Variants in SLC9A8 observed in about 807,000 individuals in gnomAD.
SLC9A8 encodes the protein sodium/hydrogen exchanger 8.
A neutral mutation model predicts 66.6 loss-of-function variants in SLC9A8; 48 were observed. That is an observed-to-expected ratio of 0.72 (90% CI 0.57 to 0.92). The LOEUF is 0.92. Among genes scored for constraint, SLC9A8 ranks in the 40% least tolerant of loss-of-function variants. The pLI is 0.00. For missense variants in SLC9A8, 599 were observed against 747.3 expected (o/e 0.80, Z 2.31); for synonymous variants, 274 against 282.6 (o/e 0.97, Z 0.31).
chr20:49,847,164 A>G (rs1330273729), intron 5 of SLC9A8, among the ~76,000 whole-genome samples: 1 of 152,132 alleles, frequency 6.6e-6, no homozygotes, highest in Non-Finnish European at 1.5e-5. Flanking sequence ...AATTTAATGT[A>G]AAAAATATTC....
At chr20:49,877,290 T>A (rs1283383391) in intron 11 of SLC9A8, among the ~76,000 whole-genome samples, 1 of 152,054 alleles carries the variant, frequency 6.6e-6, no homozygotes, top group Non-Finnish European at 1.5e-5. Context: ...TGAGACTCTG[T>A]CTCTAAAAAA....
intron 5 of SLC9A8, among the ~76,000 whole-genome samples, chr20:49,848,630 A>G (rs1244791761): frequency 6.6e-6 from 1 of 152,234 alleles, no homozygotes; most frequent in African/African-American, 2.4e-5. Flanking sequence ...TTTTATGGAA[A>G]TTTGAAAGAT....
intron 3 of SLC9A8, among the ~76,000 whole-genome samples, chr20:49,828,613 G>A (rs1247839530): frequency 1.3e-5 from 2 of 150,784 alleles, no homozygotes; most frequent in Admixed American, 6.6e-5. Context: ...CGAGGTGGCC[G>A]GATCACCTTG....
intron 10 of SLC9A8, among the ~76,000 whole-genome samples, chr20:49,865,240 G>A (rs1257735747): frequency 6.6e-6 from 1 of 152,112 alleles, no homozygotes; most frequent in Admixed American, 6.6e-5. Flanking sequence ...GTGGAACAAC[G>A]ATTCAAACTA....
intron 13 of SLC9A8, among the ~76,000 whole-genome samples, chr20:49,883,323 G>A (rs1020767961): frequency 2.0e-5 from 3 of 152,158 alleles, no homozygotes; most frequent in African/African-American, 7.2e-5. Context: ...GATAGGAGGG[G>A]TACTGGACAC....
chr20:49,883,787 C>A, intron 13 of SLC9A8, 59 bp from the exon 14 acceptor site: 2 of 1,428,456 alleles, frequency 1.4e-6, no homozygotes, highest in East Asian at 2.3e-5. Flanking sequence ...CCAGGGAAGC[C>A]AGCCCATGAA....
In SLC9A8 at chr20:49,839,552, G is replaced by A; in HGVS notation, c.301G>A (p.Gly101Arg). 1 of 1,580,742 alleles carries A rather than the reference G, an allele frequency of 6.3e-7. No homozygotes were observed. Among genetic ancestry groups the A allele is most frequent in the African/African-American group, 1.3e-5 (1 of 74,248 alleles). Residue 101 changes from glycine to arginine, a missense_variant, in exon 4 of 16, where the codon GGA (glycine) becomes AGA (arginine). Physicochemically the swap from Gly to Arg is moderately radical, Grantham distance 125 (BLOSUM62 -2). Around this residue, in one of 2 missense-constraint regions of SLC9A8, gnomAD observed 467 missense variants for 626.5 expected, o/e 0.75. Coordinates refer to ENST00000361573, the MANE Select transcript of SLC9A8 (RefSeq NM_015266.3). ...ATTTTCTCTTGTAGGTATTCTCATG[G>A]GAGCAGTTATAAAAATTATAGAGTT... Reference protein sequence around the residue: ...VAVVSLGILMGAVIKIIEFKK... With the variant: ...VAVVSLGILMRAVIKIIEFKK...
chr20:49,874,038 T>G (rs911523928), intron 10 of SLC9A8, among the ~76,000 whole-genome samples: 1 of 151,902 alleles, frequency 6.6e-6, no homozygotes, highest in African/African-American at 2.4e-5. Flanking sequence ...TCACCCGAGG[T>G]CAGGAGTTTG....
intron 13 of SLC9A8, among the ~76,000 whole-genome samples, chr20:49,881,554 ATC>A (rs2089627384): frequency 1.3e-5 from 2 of 152,200 alleles, no homozygotes; most frequent in Non-Finnish European, 2.9e-5. Flanking sequence ...AAAGAACTGG[ATC>A]CATAGGCATC....
rs1006057313 is a variant in SLC9A8, at chr20:49,862,792, A to T, written c.714-137A>T. 8 of 757,964 alleles carry T rather than the reference A, an allele frequency of 1.1e-5. No homozygotes were observed. In the African/African-American group the frequency reaches 1.5e-4, roughly 14 times the overall value. 47.0% of individuals were successfully genotyped at this position (757,964 alleles called of 1,614,324 possible). A position where few individuals can be genotyped will look rare whatever the true frequency, so the allele number is the denominator to read the frequency against. ...CTGGGACAAAGTAGGTGAACAATAA[A>T]CGTTTGGCTGACTGAATGAATGATG... On this transcript the variant is annotated intron_variant, in intron 8 of 15. Transcript: ENST00000361573.
chr20:49,865,882 TG>T (rs2088944615), intron 10 of SLC9A8, among the ~76,000 whole-genome samples: 1 of 152,246 alleles, frequency 6.6e-6, no homozygotes, highest in African/African-American at 2.4e-5. Context: ...TCAGAGGCCT[TG>T]TTCTGGAAAG....
At chr20:49,856,016 C>T (rs192168323) in intron 8 of SLC9A8, among the ~76,000 whole-genome samples, 8 of 152,298 alleles carry the variant, frequency 5.3e-5, no homozygotes, top group Admixed American at 3.3e-4. Flanking sequence ...TTGTCTTGAA[C>T]CCCTGGGCTC....
chr20:49,829,655 C>G, intron 3 of SLC9A8: 1 of 456,454 alleles, frequency 2.2e-6, no homozygotes, highest in East Asian at 5.2e-5. Flanking sequence ...TAAAGATTCA[C>G]AAGGGTAAAC....
intron 13 of SLC9A8, among the ~76,000 whole-genome samples, chr20:49,881,797 ATGTGG>A (rs2089634369): frequency 6.6e-6 from 1 of 152,186 alleles, no homozygotes; most frequent in African/African-American, 2.4e-5. Flanking sequence ...ATACATTTAT[ATGTGG>A]TGAGAAAAAC....
intron 3 of SLC9A8, among the ~76,000 whole-genome samples, chr20:49,827,162 G>A (rs1180860519): frequency 6.6e-6 from 1 of 151,230 alleles, no homozygotes; most frequent in Non-Finnish European, 1.5e-5. Context: ...GGCTGGTCTC[G>A]AACTCCTGAC....
In SLC9A8 at chr20:49,888,066, T is replaced by C; in HGVS notation, c.*130T>C. ...CAAGACATAAGAGGGCGGGGCGAGG[T>C]ACTGGCTGCAGAGTCGCCTTAGTCC... On this transcript the variant is annotated 3_prime_UTR_variant, in exon 16 of 16. Transcript: ENST00000361573. 7.1e-6 allele frequency: 5 copies of C among 707,192 alleles called. No homozygotes were observed. Among genetic ancestry groups the C allele is most frequent in the Non-Finnish European group, 9.7e-6 (4 of 413,442 alleles). 43.8% of individuals were successfully genotyped at this position (707,192 alleles called of 1,614,324 possible).
chr20:49,887,043 G>A (rs765707767), intron 15 of SLC9A8, 145 bp downstream of exon 15: 21 of 823,706 alleles, frequency 2.5e-5, no homozygotes, highest in Non-Finnish European at 3.8e-5. Context: ...CCGATCTGGA[G>A]GCTGGACGTG....
At chr20:49,867,552 A>G (rs2089026058) in intron 10 of SLC9A8, among the ~76,000 whole-genome samples, 2 of 152,156 alleles carry the variant, frequency 1.3e-5, no homozygotes, top group Admixed American at 6.5e-5. Flanking sequence ...GTATCAGTCA[A>G]AGACTCAAGG....
chr20:49,840,959 T>C (rs1387221319), intron 4 of SLC9A8, among the ~76,000 whole-genome samples: 2 of 127,042 alleles, frequency 1.6e-5, no homozygotes, highest in African/African-American at 6.1e-5. Flanking sequence ...TCTAAAAAAA[T>C]ACAAAAAAAA....
Sources: allele counts gnomAD v4.1 joint callset (sites outside exome capture counted in the v4.1 genomes callset), GRCh38; gene constraint gnomAD v4.1.1; regional missense constraint gnomAD v4.1.1; transcripts MANE v1.5; gene names NCBI Gene and HGNC (gene_info 2026-07-23, HGNC 2026-07-21).